The following RNFT2 variants were observed in gnomAD, a reference collection of about 807,000 sequenced individuals.
RNFT2 encodes E3 ubiquitin-protein ligase RNFT2.
Under a neutral mutation model 53.0 loss-of-function variants are expected in RNFT2, and 36 were observed. The ratio of observed to expected loss-of-function variants is 0.68; its 90% CI spans 0.52 to 0.90. RNFT2 has a LOEUF of 0.90. Among genes scored for constraint, RNFT2 ranks in the 40% least tolerant of loss-of-function variants. The pLI is 0.00. For missense variants in RNFT2, 514 were observed against 585.6 expected (o/e 0.88, Z 1.26); for synonymous variants, 260 against 253.2 (o/e 1.03, Z -0.26).
In RNFT2 at chr12:116,806,367, CAA is replaced by C. The variant is rs139305837; in HGVS notation, c.882+27033_882+27034del. On this transcript the variant is annotated intron_variant, in intron 7 of 10. Coordinates refer to ENST00000257575, the MANE Select transcript of RNFT2 (RefSeq NM_001382266.1). Reference sequence around the variant, plus strand: ...CCTGGGTAACAGAGTGAGACTGTCTCAAAAAAAAAAAAAAATATATATATATA... The same window carrying C: ...CCTGGGTAACAGAGTGAGACTGTCTCAAAAAAAAAAAAATATATATATATA... 4.3e-3 allele frequency among the ~76,000 whole-genome samples: 487 copies of C among 113,920 alleles called. 5 individuals carry two copies. Among genetic ancestry groups the C allele is most frequent in the African/African-American group, 0.017 (449 of 25,822 alleles). The allele number at this position is 113,920 out of a possible 152,430, so 74.7% of individuals were successfully genotyped here. A position where few individuals can be genotyped will look rare whatever the true frequency, so the allele number is the denominator to read the frequency against.
At chr12:116,750,906 A>AT (rs35386897) in intron 4 of RNFT2, among the ~76,000 whole-genome samples, 15,252 of 62,604 alleles carry the variant, frequency 0.24, 1,950 homozygotes, top group Admixed American at 0.39. Flanking sequence ...ATATATATAT[A>AT]TATTTTTTTT....
rs943298586 is a variant in RNFT2, at chr12:116,851,961, G to A, written c.*2513G>A. 1.3e-6 allele frequency: 2 copies of A among 1,517,430 alleles called. No individual in the cohort carries two copies. The highest frequency in any genetic ancestry group is 1.4e-5 in the African/African-American group (1 of 72,316). 94.0% of individuals were successfully genotyped at this position (1,517,430 alleles called of 1,614,324 possible). Reference sequence around the variant, plus strand: ...CTCTGGTAGCCTTCAGAGCAAACAGGACAACCTATGTTATGGATGTTTCCA... The same window carrying A: ...CTCTGGTAGCCTTCAGAGCAAACAGAACAACCTATGTTATGGATGTTTCCA... On this transcript the variant is annotated 3_prime_UTR_variant, in exon 11 of 11. Coordinates refer to ENST00000257575, the MANE Select transcript of RNFT2 (RefSeq NM_001382266.1).
intron 5 of RNFT2, among the ~76,000 whole-genome samples, chr12:116,754,742 C>T (rs1227240374): frequency 6.6e-6 from 1 of 152,112 alleles, no homozygotes; most frequent in Non-Finnish European, 1.5e-5. Context: ...TCATTAGCAG[C>T]GTTAAGCATT....
intron 7 of RNFT2, among the ~76,000 whole-genome samples, chr12:116,789,191 AGTG>A (rs2137130797): frequency 7.6e-6 from 1 of 131,886 alleles, no homozygotes; most frequent in African/African-American, 3.0e-5. Flanking sequence ...ATGGTAGGAG[AGTG>A]GTGGGTGGAT....
intron 6 of RNFT2, among the ~76,000 whole-genome samples, chr12:116,772,739 G>C (rs559054261): frequency 6.6e-6 from 1 of 152,346 alleles, no homozygotes; most frequent in East Asian, 1.9e-4. Flanking sequence ...TGTTGTGGAA[G>C]TTGTAGTGTG....
intron 7 of RNFT2, among the ~76,000 whole-genome samples, chr12:116,794,648 A>AGGGAGGGAGGGAGGG (rs1566083468): frequency 8.2e-5 from 3 of 36,746 alleles, no homozygotes; most frequent in East Asian, 9.8e-4. Context: ...GGGAGGGGAG[A>AGGGAGGGAGGGAGGG]AGGAAGGAAG....
chr12:116,769,454 G>A (rs1352534613), intron 6 of RNFT2, among the ~76,000 whole-genome samples: 1 of 152,206 alleles, frequency 6.6e-6, no homozygotes, highest in African/African-American at 2.4e-5. Context: ...AGATCTTCCA[G>A]TGGGACAAGA....
At chr12:116,753,133 T>C (rs1353959831) in intron 4 of RNFT2, among the ~76,000 whole-genome samples, 2 of 139,400 alleles carry the variant, frequency 1.4e-5, no homozygotes, top group Non-Finnish European at 3.0e-5. Flanking sequence ...TTTTTTCTTT[T>C]TCTTTTTTCT....
At chr12:116,815,938 G>A (rs986353128) in intron 7 of RNFT2, among the ~76,000 whole-genome samples, 2 of 152,146 alleles carry the variant, frequency 1.3e-5, no homozygotes, top group Admixed American at 1.3e-4. Context: ...GAAAGGAGAT[G>A]CCCTCTGCCC....
intron 6 of RNFT2, among the ~76,000 whole-genome samples, chr12:116,777,090 G>A (rs7969509): frequency 0.86 from 129,951 of 151,630 alleles, 56,707 homozygotes; most frequent in Non-Finnish European, 0.94. Context: ...GCTAATTTTT[G>A]TATTTTTAGT....
In RNFT2 at chr12:116,853,109, T is replaced by C. The variant is rs1878006594; in HGVS notation, c.*3661T>C. The C allele has an allele frequency of 4.7e-6, 2 of 422,914 alleles. No homozygotes were observed. The highest frequency in any genetic ancestry group is 6.0e-4 in the Middle Eastern group (1 of 1,672). The allele number at this position is 422,914 out of a possible 1,614,324, so 26.2% of individuals were successfully genotyped here. ...CGGTGGGGGGATTTAACTTCTGTCCTAGGGAAAACAGTGTCTGATGAGGAG... is the reference window on the plus strand; with the variant it reads ...CGGTGGGGGGATTTAACTTCTGTCCCAGGGAAAACAGTGTCTGATGAGGAG... On this transcript the variant is annotated 3_prime_UTR_variant, in exon 11 of 11. Transcript: ENST00000257575.
In RNFT2 at chr12:116,852,691, T is replaced by G. The variant is rs898410868; in HGVS notation, c.*3243T>G. ...ACAAGAAATTGGAGCTGGAGAAGAT[T>G]GATGAAAGTGCAGGTGTGTAAGGAA... On this transcript the variant is annotated 3_prime_UTR_variant, in exon 11 of 11. Transcript: ENST00000257575. 6.2e-7 allele frequency: 1 copy of G among 1,613,966 alleles called. No homozygotes were observed. The highest frequency in any genetic ancestry group is 8.5e-7 in the Non-Finnish European group (1 of 1,179,878).
chr12:116,827,251 G>GAGAGAGAGAGAGAGAGGAGAGAGA (rs1876392008), intron 7 of RNFT2, among the ~76,000 whole-genome samples: 1 of 151,170 alleles, frequency 6.6e-6, no homozygotes, highest in African/African-American at 2.4e-5. Context: ...AAGAAAGAAA[G>GAGAGAGAGAGAGAGAGGAGAGAGA]GAGTGATTTA....
chr12:116,784,652 C>A (rs554151437), intron 7 of RNFT2, among the ~76,000 whole-genome samples: 1 of 152,162 alleles, frequency 6.6e-6, no homozygotes, highest in Non-Finnish European at 1.5e-5. Context: ...TCCCTCCACC[C>A]CACTGTTCAC....
At chr12:116,763,878 T>G (rs1455032550) in intron 5 of RNFT2, among the ~76,000 whole-genome samples, 2 of 151,998 alleles carry the variant, frequency 1.3e-5, no homozygotes, top group East Asian at 3.9e-4. Context: ...AAAGAAGTCA[T>G]TATACGAAAA....
At chr12:116,754,412 A>C (rs1872404190) in intron 5 of RNFT2, among the ~76,000 whole-genome samples, 1 of 152,138 alleles carries the variant, frequency 6.6e-6, no homozygotes, top group Non-Finnish European at 1.5e-5. Context: ...TTGGTTCCAC[A>C]ATTTTAAAAT....
intron 10 of RNFT2, among the ~76,000 whole-genome samples, chr12:116,844,879 A>G (rs939272380): frequency 6.6e-6 from 1 of 152,150 alleles, no homozygotes; most frequent in African/African-American, 2.4e-5. Context: ...TTGGTTGGTC[A>G]ATAGATATTT....
At chr12:116,779,377 C>A in intron 7 of RNFT2, 29 bp downstream of exon 7, 1 of 1,612,810 alleles carries the variant, frequency 6.2e-7, no homozygotes, top group Non-Finnish European at 8.5e-7. Flanking sequence ...CACAAGGTAG[C>A]CCCAGTCACA....
chr12:116,852,102 C>A lies in RNFT2; in HGVS notation c.*2654C>A. 1.0e-6 allele frequency: 1 copy of A among 986,540 alleles called. No homozygotes were observed. The highest frequency in any genetic ancestry group is 1.4e-6 in the Non-Finnish European group (1 of 698,148). 61.1% of individuals were successfully genotyped at this position (986,540 alleles called of 1,614,324 possible). On this transcript the variant is annotated 3_prime_UTR_variant, in exon 11 of 11. Transcript: ENST00000257575. The stretch of plus-strand genomic sequence containing the variant: ...TGCTCTGAAATCTGGCATGAGATGG[C>A]ACAGGTGACCACGCAGAAGCCACCA...
Sources: gnomAD v4.1 joint callset for allele counts (sites outside exome capture counted in the v4.1 genomes callset) on GRCh38, gnomAD v4.1.1 for gene constraint, MANE v1.5 for transcripts, NCBI Gene and HGNC (gene_info 2026-07-23, HGNC 2026-07-21) for gene names.